Variants in OR6C74 observed in about 807,000 individuals in gnomAD.
The protein encoded by OR6C74 is olfactory receptor 6C74.
For missense variants in OR6C74, 361 were observed against 362.9 expected (o/e 0.99, Z 0.04); for synonymous variants, 142 against 134.2 (o/e 1.06, Z -0.40).
rs34390536 is a variant in OR6C74, at chr12:55,255,112, T to TA, written c.*6887dup. ...TTGCTTCCTGACTAGGATTATAAAA[T>TA]AGATGTCTCCCAGGGTGGCCAGGTT... On this transcript the variant is annotated 3_prime_UTR_variant, in exon 2 of 2. Transcript: ENST00000343399. 6.6e-6 allele frequency among the ~76,000 whole-genome samples: 1 copy of TA among 152,056 alleles called. No homozygotes were observed. The highest frequency in any genetic ancestry group is 2.4e-5 in the African/African-American group (1 of 41,414).
Position 55,252,884 on chromosome 12 carries a change from A to G in OR6C74, c.*4658A>G, listed in dbSNP as rs1954320531. 6.6e-6 allele frequency among the ~76,000 whole-genome samples: 1 copy of G among 152,018 alleles called. No individual in the cohort carries two copies. Among genetic ancestry groups the G allele is most frequent in the African/African-American group, 2.4e-5 (1 of 41,432 alleles). On this transcript the variant is annotated 3_prime_UTR_variant, in exon 2 of 2. Coordinates refer to ENST00000343399, the MANE Select transcript of OR6C74 (RefSeq NM_001005490.2). ...TGTATCTGATACAAGTTTTTAAATT[A>G]TTACTTAGCATATCATCATACATTT...
rs1592244473 is a variant in OR6C74, at chr12:55,247,801, G to A, written c.514G>A (p.Val172Ile). 6.2e-7 allele frequency: 1 copy of A among 1,613,918 alleles called. No homozygotes were observed. The highest frequency in any genetic ancestry group is 8.5e-7 in the Non-Finnish European group (1 of 1,179,976). The change falls in exon 2 of 2, where the codon GTA becomes ATA. Residue 172 changes from valine (V) to isoleucine (I), a missense_variant. Physicochemically the swap from Val to Ile is conservative, Grantham distance 29 (BLOSUM62 3). Transcript: ENST00000343399. ...LQLDFCAANT[V>I]DHFFCDVSPI... ...GCTTGATTTCTGTGCAGCCAACACT[G>A]TAGATCATTTCTTCTGTGATGTTTC...
intron 1 of OR6C74, 153 bp from the exon 2 acceptor site, chr12:55,247,126 A>T (rs1954274880): frequency 2.0e-6 from 1 of 498,208 alleles, no homozygotes; most frequent in Non-Finnish European, 3.5e-6. Context: ...CAACATTTTG[A>T]GTAAAAATCA....
chr12:55,245,155 C>A (rs1420312604), intron 1 of OR6C74, among the ~76,000 whole-genome samples: 1 of 151,826 alleles, frequency 6.6e-6, no homozygotes, highest in Non-Finnish European at 1.5e-5. Context: ...TTGTTTTTTA[C>A]AAAGCAAACA....
rs1954324471 is a variant in OR6C74, at chr12:55,253,552, G to A, written c.*5326G>A. Among the ~76,000 whole-genome samples, 1 of 152,048 alleles carries A rather than the reference G, an allele frequency of 6.6e-6. No individual in the cohort carries two copies. Among genetic ancestry groups the A allele is most frequent in the African/African-American group, 2.4e-5 (1 of 41,414 alleles). ...ACTTTGCACATGCACTAGGTTCACT[G>A]TAAAACAGACTAGCACATAATCATA... On this transcript the variant is annotated 3_prime_UTR_variant, in exon 2 of 2. Transcript: ENST00000343399.
rs1954338042 is a variant in OR6C74 at position 55,255,528 on chromosome 12, G to A, written c.*7302G>A. Among the ~76,000 whole-genome samples the A allele has an allele frequency of 6.6e-6, 1 of 152,070 alleles. No homozygotes were observed. The highest frequency in any genetic ancestry group is 2.4e-5 in the African/African-American group (1 of 41,386). The stretch of plus-strand genomic sequence containing the variant: ...TTGTGGCACTATTAGCAATAGCAAA[G>A]ACTTGGAACCAACCCAAATGCCCAT... On this transcript the variant is annotated 3_prime_UTR_variant, in exon 2 of 2. Transcript: ENST00000343399.
Position 55,248,140 on chromosome 12 carries a change from C to A in OR6C74, c.853C>A (p.Pro285Thr), listed in dbSNP as rs375781072. 10 of 1,613,552 alleles carry A rather than the reference C, an allele frequency of 6.2e-6. No individual in the cohort carries two copies. Among genetic ancestry groups the A allele is most frequent in the Non-Finnish European group, 8.5e-6 (10 of 1,179,738 alleles). Reference protein sequence around the residue: ...LSTSVAPMLNPFIYTLRNKQV... With the variant: ...LSTSVAPMLNTFIYTLRNKQV... Reference sequence around the variant, plus strand: ...CACTTCTGTTGCCCCCATGTTGAATCCCTTTATTTATACACTGAGAAACAA... The same window carrying A: ...CACTTCTGTTGCCCCCATGTTGAATACCTTTATTTATACACTGAGAAACAA... The change falls in exon 2 of 2, where the codon CCC (proline) becomes ACC (threonine). Residue 285 changes from proline (P) to threonine (T), a missense_variant. Transcript: ENST00000343399.
chr12:55,247,208 C>A, intron 1 of OR6C74, 71 bp from the exon 2 acceptor site: 1 of 830,244 alleles, frequency 1.2e-6, no homozygotes, highest in Non-Finnish European at 1.9e-6. Flanking sequence ...TGGTGGATTT[C>A]AAGAAAAATG....
rs1954313569 is a variant in OR6C74 at position 55,251,948 on chromosome 12, T to G, written c.*3722T>G. 6.6e-6 allele frequency among the ~76,000 whole-genome samples: 1 copy of G among 151,708 alleles called. No individual in the cohort carries two copies. Among genetic ancestry groups the G allele is most frequent in the African/African-American group, 2.4e-5 (1 of 41,414 alleles). On this transcript the variant is annotated 3_prime_UTR_variant, in exon 2 of 2. Coordinates refer to ENST00000343399, the MANE Select transcript of OR6C74 (RefSeq NM_001005490.2). The stretch of plus-strand genomic sequence containing the variant: ...ACTGTGTTCTCAAAAATTATGGACT[T>G]GCTTTTCTTTTTATAAGTGTAAGTG...
rs1954321004 is a variant in OR6C74 at position 55,252,972 on chromosome 12, A to G, written c.*4746A>G. Among the ~76,000 whole-genome samples, 1 of 151,828 alleles carries G rather than the reference A, an allele frequency of 6.6e-6. No homozygotes were observed. Among genetic ancestry groups the G allele is most frequent in the African/African-American group, 2.4e-5 (1 of 41,354 alleles). On this transcript the variant is annotated 3_prime_UTR_variant, in exon 2 of 2. Transcript: ENST00000343399. ...CCCCTTCCTTCTCCTTTCTCTTCTA[A>G]CAACCCTTTAAAAATGTAAAATACA... is the stretch of plus-strand genomic sequence containing the variant.
Position 55,251,921 on chromosome 12 carries a change from T to G in OR6C74, c.*3695T>G, listed in dbSNP as rs1053788467. Among the ~76,000 whole-genome samples, 1 of 151,734 alleles carries G rather than the reference T, an allele frequency of 6.6e-6. No homozygotes were observed. Among genetic ancestry groups the G allele is most frequent in the South Asian group, 2.1e-4 (1 of 4,830 alleles). On this transcript the variant is annotated 3_prime_UTR_variant, in exon 2 of 2. Transcript: ENST00000343399. ...TAAATGCTACCTTCAAATATTAAGATTACTGTGTTCTCAAAAATTATGGAC... is the reference window on the plus strand; with the variant it reads ...TAAATGCTACCTTCAAATATTAAGAGTACTGTGTTCTCAAAAATTATGGAC...
Position 55,247,717 on chromosome 12 carries a change from T to G in OR6C74, c.430T>G (p.Phe144Val). The G allele has an allele frequency of 6.2e-7, 1 of 1,614,078 alleles. No individual in the cohort carries two copies. Among genetic ancestry groups the G allele is most frequent in the South Asian group, 1.1e-5 (1 of 91,080 alleles). Residue 144 changes from phenylalanine to valine, a missense_variant, in exon 2 of 2, where the codon TTT (phenylalanine) becomes GTT (valine). Transcript: ENST00000343399. ...CAGCAGAGTTTGCAGCTTGCTGGTC[T>G]TTGCTTCATGGATGGCTGGCTTCCT... is the stretch of plus-strand genomic sequence containing the variant. Reference protein sequence around the residue: ...MSSRVCSLLVFASWMAGFLII... With the variant: ...MSSRVCSLLVVASWMAGFLII...
At position 55,255,895 on chromosome 12, in the gene OR6C74, T is replaced by C. The variant is rs980549520; in HGVS notation, c.*7669T>C. ...CATATCAGTGGTTGCCAGGACTTTGTTGGAGTAAGGATTAAACGAGGAAGC... is the reference window on the plus strand; with the variant it reads ...CATATCAGTGGTTGCCAGGACTTTGCTGGAGTAAGGATTAAACGAGGAAGC... On this transcript the variant is annotated 3_prime_UTR_variant, in exon 2 of 2. Coordinates refer to ENST00000343399, the MANE Select transcript of OR6C74 (RefSeq NM_001005490.2). 1.3e-5 allele frequency among the ~76,000 whole-genome samples: 2 copies of C among 152,118 alleles called. No individual in the cohort carries two copies. Among genetic ancestry groups the C allele is most frequent in the African/African-American group, 4.8e-5 (2 of 41,430 alleles).
chr12:55,249,499 G>A lies in OR6C74; in HGVS notation c.*1273G>A, dbSNP rs2136314458. The stretch of plus-strand genomic sequence containing the variant: ...GTATATAACTTTGTCATATCCCCAG[G>A]CTAGCAAGAAATTTTATTTGAATTT... On this transcript the variant is annotated 3_prime_UTR_variant, in exon 2 of 2. Transcript: ENST00000343399. Among the ~76,000 whole-genome samples the A allele has an allele frequency of 6.6e-6, 1 of 151,528 alleles. No individual in the cohort carries two copies. Among genetic ancestry groups the A allele is most frequent in the Non-Finnish European group, 1.5e-5 (1 of 67,858 alleles).
chr12:55,247,487 TA>T lies in OR6C74; in HGVS notation c.201del (p.Glu68LysfsTer67), dbSNP rs1335248762. On this transcript the variant is annotated frameshift_variant, in exon 2 of 2. Coordinates refer to ENST00000343399, the MANE Select transcript of OR6C74 (RefSeq NM_001005490.2). LOFTEE classifies it low-confidence loss of function (END_TRUNC). ...TTCTTCCTCCGAAATTTCTCATTTT[TA>T]GAAGTCTCATTCACAACTGTCTACA... ...MYFFLRNFSF[L>X]EVSFTTVYIP... 2 of 1,613,898 alleles carry T rather than the reference TA, an allele frequency of 1.2e-6. No homozygotes were observed. Among genetic ancestry groups the T allele is most frequent in the Non-Finnish European group, 1.7e-6 (2 of 1,179,880 alleles).
At position 55,247,315 on chromosome 12, in the gene OR6C74, T is replaced by G. The variant is rs767701350; in HGVS notation, c.28T>G (p.Phe10Val). 10 of 1,607,304 alleles carry G rather than the reference T, an allele frequency of 6.2e-6. No homozygotes were observed. The highest frequency in any genetic ancestry group is 7.7e-6 in the Non-Finnish European group (9 of 1,175,506). MRNHTTVAN[F>V]ILLGLTDDPQ... is the part of the protein sequence containing the mutation. Reference sequence around the variant, plus strand: ...GAGAAACCATACAACAGTAGCAAACTTTATTCTTCTTGGACTGACAGATGA... The same window carrying G: ...GAGAAACCATACAACAGTAGCAAACGTTATTCTTCTTGGACTGACAGATGA... Residue 10 changes from phenylalanine (F) to valine (V), a missense_variant, in exon 2 of 2, where the codon TTT (phenylalanine) becomes GTT (valine). Transcript: ENST00000343399.
Position 55,251,603 on chromosome 12 carries a change from A to G in OR6C74, c.*3377A>G, listed in dbSNP as rs1462090212. Among the ~76,000 whole-genome samples, 1 of 151,936 alleles carries G rather than the reference A, an allele frequency of 6.6e-6. No homozygotes were observed. The highest frequency in any genetic ancestry group is 1.5e-5 in the Non-Finnish European group (1 of 67,900). On this transcript the variant is annotated 3_prime_UTR_variant, in exon 2 of 2. Transcript: ENST00000343399. ...GGATGTCTACTATAAAATAATTAAT[A>G]GATTGGACTTGATGACAGGCAATAT...
chr12:55,248,408 C>A lies in OR6C74; in HGVS notation c.*182C>A. 2.1e-6 allele frequency: 1 copy of A among 487,778 alleles called. No individual in the cohort carries two copies. Among genetic ancestry groups the A allele is most frequent in the Non-Finnish European group, 3.6e-6 (1 of 279,998 alleles). 30.2% of individuals were successfully genotyped at this position (487,778 alleles called of 1,614,324 possible). ...TGCCATTTCTCCCTCATGCTGAGAT[C>A]ACATAGAAAAGATATTTCTTGGTTT... On this transcript the variant is annotated 3_prime_UTR_variant, in exon 2 of 2. Coordinates refer to ENST00000343399, the MANE Select transcript of OR6C74 (RefSeq NM_001005490.2).
rs562345745 is a variant in OR6C74 at position 55,256,597 on chromosome 12, C to T, written c.*8371C>T. Among the ~76,000 whole-genome samples, 4 of 152,212 alleles carry T rather than the reference C, an allele frequency of 2.6e-5. No individual in the cohort carries two copies. Among genetic ancestry groups the T allele is most frequent in the Non-Finnish European group, 4.4e-5 (3 of 67,994 alleles). On this transcript the variant is annotated 3_prime_UTR_variant, in exon 2 of 2. Transcript: ENST00000343399. ...TGCATACAGATGTTATGTTAAAGAA[C>T]TACTTCATCCCCATGTGACCATCTC... is the stretch of plus-strand genomic sequence containing the variant.
Sources: allele counts gnomAD v4.1 joint callset (sites outside exome capture counted in the v4.1 genomes callset), GRCh38; gene constraint gnomAD v4.1.1; transcripts MANE v1.5; gene names NCBI Gene and HGNC (gene_info 2026-07-23, HGNC 2026-07-21).